OSBPL8: variants seen among roughly 807,000 people sequenced by gnomAD.
OSBPL8 encodes the protein oxysterol-binding protein-related protein 8.
A neutral mutation model predicts 125.5 loss-of-function variants in OSBPL8; 59 were observed. The observed-to-expected ratio is 0.47, with a 90% CI of 0.38 to 0.58. The LOEUF (loss-of-function observed/expected upper bound fraction) is 0.58, where lower values mean the gene tolerates loss of function less well. Ranked by LOEUF, OSBPL8 falls within the 20% of genes least tolerant of loss-of-function variation. OSBPL8 has a pLI of 0.00. For synonymous variants in OSBPL8, 330 were observed against 338.9 expected (o/e 0.97, Z 0.29); for missense variants, 758 against 1,047.8 (o/e 0.72, Z 3.82).
In OSBPL8 at chr12:76,498,318, T is replaced by TA. The variant is rs545383738; in HGVS notation, c.-67-10701dup. On this transcript the variant is annotated intron_variant, in intron 1 of 23. Transcript: ENST00000261183. ...CTGGTCCTTTTTCTAGCCAATATTT[T>TA]AAAAAATCAAAAACTGTACATAACA... 2.2e-3 allele frequency among the ~76,000 whole-genome samples: 334 copies of TA among 152,326 alleles called. 3 individuals are homozygous for TA. The highest frequency in any genetic ancestry group is 7.4e-3 in the African/African-American group (309 of 41,576).
intron 16 of OSBPL8, among the ~76,000 whole-genome samples, chr12:76,377,449 C>T (rs916976827): frequency 6.6e-6 from 1 of 152,084 alleles, no homozygotes; most frequent in African/African-American, 2.4e-5. Flanking sequence ...TATTTCCTGA[C>T]TTTTTAATGA....
At chr12:76,418,818 G>C (rs987379706) in intron 4 of OSBPL8, among the ~76,000 whole-genome samples, 16 of 152,148 alleles carry the variant, frequency 1.1e-4, no homozygotes, top group Non-Finnish European at 2.1e-4. Flanking sequence ...GGGCGACAGA[G>C]TGAGACTCCA....
At chr12:76,426,581 T>C (rs1480624270) in intron 4 of OSBPL8, among the ~76,000 whole-genome samples, 1 of 152,166 alleles carries the variant, frequency 6.6e-6, no homozygotes, top group African/African-American at 2.4e-5. Flanking sequence ...GAGATACATA[T>C]AAGAACTTCT....
chr12:76,378,116 A>G (rs1038296001), intron 16 of OSBPL8, among the ~76,000 whole-genome samples: 5 of 152,232 alleles, frequency 3.3e-5, no homozygotes, highest in African/African-American at 1.2e-4. Context: ...TGGTGGTGCA[A>G]AAAGATGAAA....
chr12:76,509,428 G>A (rs975871398), intron 1 of OSBPL8, among the ~76,000 whole-genome samples: 6 of 152,046 alleles, frequency 3.9e-5, no homozygotes, highest in African/African-American at 1.4e-4. Context: ...ATATACATGT[G>A]ACAATTTCCA....
rs1191160920 is a variant in OSBPL8, at chr12:76,351,991, T to C, written c.*3898A>G. On this transcript the variant is annotated 3_prime_UTR_variant, in exon 24 of 24. Transcript: ENST00000261183. ...TACTGTGCACCTTAAGGAAAAGAATTTGACAGTGTGCTGTACTTACACTGC... is the reference window on the plus strand; with the variant it reads ...TACTGTGCACCTTAAGGAAAAGAATCTGACAGTGTGCTGTACTTACACTGC... The C allele has an allele frequency of 6.6e-6, 1 of 152,228 alleles. No homozygotes were observed. The highest frequency in any genetic ancestry group is 1.5e-5 in the Non-Finnish European group (1 of 68,018). 9.4% of individuals were successfully genotyped at this position (152,228 alleles called of 1,614,324 possible).
intron 3 of OSBPL8, among the ~76,000 whole-genome samples, chr12:76,459,414 CAT>C (rs1874438085): frequency 1.3e-5 from 2 of 152,164 alleles, no homozygotes. Context: ...TAAGGTAAAA[CAT>C]GTTTCACTTA....
chr12:76,487,085 A>G (rs1373990733), intron 2 of OSBPL8, among the ~76,000 whole-genome samples: 1 of 139,624 alleles, frequency 7.2e-6, no homozygotes, highest in East Asian at 2.1e-4. Context: ...GCTGGAGTGC[A>G]GAGGCGCTAT....
intron 6 of OSBPL8, among the ~76,000 whole-genome samples, chr12:76,402,458 C>T (rs1954089173): frequency 6.6e-6 from 1 of 152,148 alleles, no homozygotes; most frequent in Non-Finnish European, 1.5e-5. Flanking sequence ...CTGCAGTTGC[C>T]ATTTGAGGCC....
chr12:76,392,843 A>G (rs1953621733), intron 9 of OSBPL8, 91 bp from the exon 10 acceptor site: 16 of 1,289,078 alleles, frequency 1.2e-5, no homozygotes, highest in Non-Finnish European at 1.7e-5. Flanking sequence ...TATTTCTTTG[A>G]GAAACATGCA....
At chr12:76,376,867 C>G (rs1056721628) in intron 16 of OSBPL8, among the ~76,000 whole-genome samples, 1 of 152,054 alleles carries the variant, frequency 6.6e-6, no homozygotes, top group African/African-American at 2.4e-5. Flanking sequence ...TGGTGGTTTG[C>G]TGCACCTATC....
At chr12:76,438,131 C>T (rs1871713580) in intron 4 of OSBPL8, among the ~76,000 whole-genome samples, 1 of 151,388 alleles carries the variant, frequency 6.6e-6, no homozygotes, top group Admixed American at 6.6e-5. Flanking sequence ...GGACTACAGG[C>T]ACGCACCACC....
At chr12:76,478,258 G>A (rs1161705625) in intron 2 of OSBPL8, among the ~76,000 whole-genome samples, 1 of 151,946 alleles carries the variant, frequency 6.6e-6, no homozygotes, top group Non-Finnish European at 1.5e-5. Context: ...ATGACATCAT[G>A]TTTTATGTGG....
At chr12:76,362,222 C>A (rs776353939) in intron 21 of OSBPL8, among the ~76,000 whole-genome samples, 36 of 151,934 alleles carry the variant, frequency 2.4e-4, no homozygotes, top group Non-Finnish European at 5.3e-4. Context: ...AATAACAAGG[C>A]AGAGACACAA....
intron 2 of OSBPL8, among the ~76,000 whole-genome samples, chr12:76,477,781 G>A (rs989588371): frequency 1.1e-4 from 16 of 151,850 alleles, no homozygotes; most frequent in African/African-American, 3.9e-4. Context: ...CGAAGGGGGG[G>A]TACAACATAT....
At chr12:76,401,564 C>T (rs750728230) in intron 6 of OSBPL8, among the ~76,000 whole-genome samples, 12 of 152,280 alleles carry the variant, frequency 7.9e-5, no homozygotes, top group African/African-American at 1.4e-4. Flanking sequence ...CAGAATCACA[C>T]ATTTAGTAAA....
chr12:76,416,037 T>C (rs895979834), intron 4 of OSBPL8, among the ~76,000 whole-genome samples: 1 of 152,152 alleles, frequency 6.6e-6, no homozygotes, highest in Non-Finnish European at 1.5e-5. Context: ...GTTTCTAAAA[T>C]ATGCACTTAA....
intron 14 of OSBPL8, 83 bp downstream of exon 14, chr12:76,386,085 G>A (rs1445807640): frequency 1.3e-6 from 2 of 1,505,644 alleles, no homozygotes; most frequent in Non-Finnish European, 1.8e-6. Context: ...AAATAATATT[G>A]AGTTTACTGG....
chr12:76,356,167 G>C (rs1040345856), intron 23 of OSBPL8, 146 bp from the exon 24 acceptor site: 3 of 482,326 alleles, frequency 6.2e-6, no homozygotes, highest in African/African-American at 6.1e-5. Context: ...AGGGGTGGGG[G>C]GGGGCGGGGT....
Sources: allele counts gnomAD v4.1 joint callset (sites outside exome capture counted in the v4.1 genomes callset), GRCh38; gene constraint gnomAD v4.1.1; transcripts MANE v1.5; gene names NCBI Gene and HGNC (gene_info 2026-07-23, HGNC 2026-07-21).